Variants in CTBP2 observed in about 807,000 individuals in gnomAD.
The protein encoded by CTBP2 is C-terminal-binding protein 2.
Under a neutral mutation model 80.3 loss-of-function variants are expected in CTBP2, and 30 were observed. That is an observed-to-expected ratio of 0.37 (90% CI 0.28 to 0.51). The LOEUF is 0.51. Among genes scored for constraint, CTBP2 ranks in the 20% least tolerant of loss-of-function variants. The pLI is 0.93. For synonymous variants in CTBP2, 594 were observed against 587.4 expected (o/e 1.01, Z -0.16); for missense variants, 1,212 against 1,375.3 (o/e 0.88, Z 1.88).
chr10:125,155,470 G>A (rs1036179062), intron 1 of CTBP2, among the ~76,000 whole-genome samples: 1 of 151,892 alleles, frequency 6.6e-6, no homozygotes, highest in Non-Finnish European at 1.5e-5. Flanking sequence ...CCCAAGTGCA[G>A]CCATAATTTA....
intron 1 of CTBP2, among the ~76,000 whole-genome samples, chr10:125,005,317 C>G (rs562766391): frequency 6.6e-6 from 1 of 152,222 alleles, no homozygotes; most frequent in Non-Finnish European, 1.5e-5. Context: ...CTGCCACCCC[C>G]GGCTGGGAGA....
intron 2 of CTBP2, among the ~76,000 whole-genome samples, chr10:125,102,430 A>C (rs1389198534): frequency 6.6e-6 from 1 of 152,236 alleles, no homozygotes; most frequent in African/African-American, 2.4e-5. Flanking sequence ...ACTCTGCATC[A>C]ATCTGCTCTG....
intron 2 of CTBP2, among the ~76,000 whole-genome samples, chr10:125,079,469 T>A (rs1373445827): frequency 1.3e-5 from 2 of 152,242 alleles, no homozygotes; most frequent in African/African-American, 4.8e-5. Flanking sequence ...ATACTCCGCA[T>A]TCTCCTTACA....
intron 6 of CTBP2, 137 bp from the exon 9 acceptor site, chr10:124,993,466 ATTTTATGAAG>A (rs1952999309): frequency 2.9e-6 from 3 of 1,048,126 alleles, no homozygotes; most frequent in Middle Eastern, 2.2e-4. Context: ...CTGTGATGAT[ATTTTATGAAG>A]GCTGGGAATT....
chr10:125,041,268 A>G (rs1311592476), intron 2 of CTBP2, among the ~76,000 whole-genome samples: 1 of 152,088 alleles, frequency 6.6e-6, no homozygotes, highest in Non-Finnish European at 1.5e-5. Flanking sequence ...TTTTGAAGAG[A>G]TGGGGTTTCA....
chr10:125,115,351 G>A (rs763976423), intron 1 of CTBP2, among the ~76,000 whole-genome samples: 8 of 152,302 alleles, frequency 5.3e-5, no homozygotes, highest in South Asian at 4.1e-4. Context: ...ACTGGAATGT[G>A]TCCACAAAAC....
intron 1 of CTBP2, among the ~76,000 whole-genome samples, chr10:125,147,698 G>T (rs1859038382): frequency 6.6e-6 from 1 of 152,088 alleles, no homozygotes; most frequent in East Asian, 1.9e-4. Context: ...AGGAGTTCAT[G>T]AGCAGTCCGG....
intron 1 of CTBP2, among the ~76,000 whole-genome samples, chr10:125,017,513 T>C (rs1049932202): frequency 5.3e-5 from 8 of 152,346 alleles, no homozygotes; most frequent in African/African-American, 1.9e-4. Context: ...TCCCTCACCT[T>C]TTCCTACATT....
In CTBP2 at chr10:125,026,295, C is replaced by T; in HGVS notation, c.1465G>A (p.Glu489Lys). ...ACGTTGCGCTCCCTCTTTAGCAGCT[C>T]CATGGGCACCGTGTATGCCGTGGAG... The change falls in exon 1 of 9, where the codon GAG becomes AAG. Residue 489 changes from glutamate (E) to lysine (K), a missense_variant. Physicochemically the swap from Glu to Lys is moderately conservative, Grantham distance 56 (BLOSUM62 1). Around this residue, in one of 3 missense-constraint regions of CTBP2, gnomAD observed 848 missense variants for 782.3 expected, o/e 1.08. Transcript: ENST00000309035. The T allele has an allele frequency of 6.2e-7, 1 of 1,613,932 alleles. No individual in the cohort carries two copies. Among genetic ancestry groups the T allele is most frequent in the South Asian group, 1.1e-5 (1 of 91,084 alleles).
At chr10:125,147,457 TAA>T (rs947987159) in intron 1 of CTBP2, among the ~76,000 whole-genome samples, 2 of 152,172 alleles carry the variant, frequency 1.3e-5, no homozygotes, top group African/African-American at 4.8e-5. Context: ...TCCCACAGAC[TAA>T]AATTAACCTC....
At chr10:125,014,646 A>G (rs3781427) in intron 1 of CTBP2, among the ~76,000 whole-genome samples, 55,199 of 152,180 alleles carry the variant, frequency 0.36, 10,189 homozygotes, top group Admixed American at 0.43. Context: ...CTGAGCCCGT[A>G]GGCCTCTGGC....
At chr10:125,145,519 G>A (rs1210193357) in intron 1 of CTBP2, among the ~76,000 whole-genome samples, 2 of 152,136 alleles carry the variant, frequency 1.3e-5, no homozygotes, top group East Asian at 3.9e-4. Context: ...CACGGCAGGG[G>A]GCCAGAGAAG....
intron 1 of CTBP2, among the ~76,000 whole-genome samples, chr10:125,023,812 AATAG>A (rs1346025891): frequency 1.3e-5 from 2 of 152,220 alleles, no homozygotes; most frequent in East Asian, 1.9e-4. Context: ...CCGAAAATAA[AATAG>A]ATACTGAAAA....
chr10:125,016,800 A>T (rs1956540167), intron 1 of CTBP2, among the ~76,000 whole-genome samples: 2 of 152,238 alleles, frequency 1.3e-5, no homozygotes, highest in Non-Finnish European at 2.9e-5. Flanking sequence ...AAATCTAGTA[A>T]CTTCTACAGC....
chr10:125,028,386 G>A (rs1957869948), upstream of CTBP2, among the ~76,000 whole-genome samples: 1 of 152,196 alleles, frequency 6.6e-6, no homozygotes, highest in Non-Finnish European at 1.5e-5. Flanking sequence ...CCACCGTGAT[G>A]AAACGTTAAT....
At chr10:125,162,243 G>A (rs1014941810), upstream of CTBP2, 1 of 152,502 alleles carries the variant, frequency 6.6e-6, no homozygotes, top group African/African-American at 2.4e-5. Flanking sequence ...AGGCCGCAGG[G>A]ACCGCCATTC....
At chr10:125,042,772 C>A (rs1038269897) in intron 2 of CTBP2, among the ~76,000 whole-genome samples, 1 of 152,182 alleles carries the variant, frequency 6.6e-6, no homozygotes, top group Admixed American at 6.5e-5. Flanking sequence ...CTCATCCCCG[C>A]AGCGAATAAT....
chr10:125,060,278 C>T (rs969990526), intron 2 of CTBP2, among the ~76,000 whole-genome samples: 10 of 152,206 alleles, frequency 6.6e-5, no homozygotes, highest in African/African-American at 2.4e-4. Flanking sequence ...GAGCGGGTTA[C>T]TCTGACTTCA....
In CTBP2 at chr10:124,995,892, C is replaced by G. The variant is rs2280617; in HGVS notation, c.2186-1209G>C. 3.9e-5 allele frequency among the ~76,000 whole-genome samples: 6 copies of G among 152,130 alleles called. No individual in the cohort carries two copies. In the East Asian group the frequency reaches 9.7e-4, roughly 25 times the overall value. ...CACAGGACCCCCGCCTGCCTTCCCC[C>G]GTTCCTGCAGCCTCCATCCCCCTCA... On this transcript the variant is annotated intron_variant, in intron 4 of 8. Transcript: ENST00000309035.
Sources: allele counts gnomAD v4.1 joint callset (sites outside exome capture counted in the v4.1 genomes callset), GRCh38; gene constraint gnomAD v4.1.1; regional missense constraint gnomAD v4.1.1; transcripts MANE v1.5; gene names NCBI Gene and HGNC (gene_info 2026-07-23, HGNC 2026-07-21).